The following GRIN2A variants were observed in gnomAD, a reference collection of about 807,000 sequenced individuals.
The protein encoded by GRIN2A is glutamate receptor ionotropic, NMDA 2A.
A neutral mutation model predicts 113.4 loss-of-function variants in GRIN2A; 22 were observed. That is an observed-to-expected ratio of 0.19 (90% CI 0.14 to 0.28). The LOEUF (loss-of-function observed/expected upper bound fraction) is 0.28, where lower values mean the gene tolerates loss of function less well. Among genes scored for constraint, GRIN2A ranks in the 10% least tolerant of loss-of-function variants. GRIN2A has a pLI of 1.00. For synonymous variants in GRIN2A, 827 were observed against 738.4 expected, an observed-to-expected ratio of 1.12 and a Z score of -1.94; for missense variants, 1,502 against 1,887.0, an observed-to-expected ratio of 0.80 and a Z score of 3.78.
intron 2 of GRIN2A, among the ~76,000 whole-genome samples, chr16:10,147,683 A>T (rs968192845): frequency 2.0e-5 from 3 of 151,776 alleles, no homozygotes; most frequent in Non-Finnish European, 2.9e-5. Flanking sequence ...TACAGGGTCC[A>T]ACCATAGCAA....
chr16:9,834,350 A>T, intron 7 of GRIN2A, 120 bp from the exon 8 acceptor site: 1 of 883,890 alleles, frequency 1.1e-6, no homozygotes, highest in Non-Finnish European at 1.9e-6. Flanking sequence ...TTTGAATCTG[A>T]TCCTTCAAAA....
At chr16:10,148,012 C>T (rs1346303332) in intron 2 of GRIN2A, among the ~76,000 whole-genome samples, 1 of 152,176 alleles carries the variant, frequency 6.6e-6, no homozygotes, top group Non-Finnish European at 1.5e-5. Flanking sequence ...AATTCCTTTC[C>T]TGGACTTGCC....
At chr16:9,796,570 C>T (rs1226725608) in intron 11 of GRIN2A, among the ~76,000 whole-genome samples, 1 of 152,230 alleles carries the variant, frequency 6.6e-6, no homozygotes, top group Non-Finnish European at 1.5e-5. Flanking sequence ...TGTTAGCAGA[C>T]GTGAACGTGA....
chr16:9,828,913 C>T (rs377300143), intron 9 of GRIN2A, among the ~76,000 whole-genome samples: 7 of 152,130 alleles, frequency 4.6e-5, no homozygotes, highest in African/African-American at 9.6e-5. Flanking sequence ...GAGTCAGAAG[C>T]GCTGATGCTG....
At chr16:9,821,550 C>A (rs1468702400) in intron 10 of GRIN2A, among the ~76,000 whole-genome samples, 1 of 152,192 alleles carries the variant, frequency 6.6e-6, no homozygotes, top group Non-Finnish European at 1.5e-5. Flanking sequence ...AATAACAACA[C>A]TCACATTTAG....
chr16:9,792,641 A>C (rs1000227887), intron 11 of GRIN2A, among the ~76,000 whole-genome samples: 4 of 151,896 alleles, frequency 2.6e-5, no homozygotes, highest in African/African-American at 4.9e-5. Flanking sequence ...CATAATTTTT[A>C]ACATACATGA....
intron 2 of GRIN2A, among the ~76,000 whole-genome samples, chr16:10,060,428 C>A (rs1011355042): frequency 1.3e-4 from 20 of 152,308 alleles, no homozygotes; most frequent in African/African-American, 4.6e-4. Flanking sequence ...GATTCAGAAA[C>A]CTACTTAGGG....
intron 2 of GRIN2A, among the ~76,000 whole-genome samples, chr16:9,990,620 G>A (rs1208527392): frequency 6.7e-6 from 1 of 148,176 alleles, no homozygotes; most frequent in Non-Finnish European, 1.5e-5. Context: ...AATGAATGCT[G>A]CCTCTAGATA....
At chr16:9,823,157 G>C (rs182734085) in intron 9 of GRIN2A, among the ~76,000 whole-genome samples, 223 of 152,302 alleles carry the variant, frequency 1.5e-3, no homozygotes, top group Non-Finnish European at 2.2e-3. Context: ...TTCTCTGATG[G>C]ATTGGATGAT....
At chr16:10,038,827 G>A (rs2047085368) in intron 2 of GRIN2A, among the ~76,000 whole-genome samples, 1 of 149,004 alleles carries the variant, frequency 6.7e-6, no homozygotes, top group East Asian at 2.0e-4. Flanking sequence ...CAGCCTGGGC[G>A]ACAGAATGAG....
rs750056058 is a variant in GRIN2A, at chr16:9,798,511, C to T, written c.2169-47G>A. On this transcript the variant is annotated intron_variant, in intron 10 of 12. Coordinates refer to ENST00000330684, the MANE Select transcript of GRIN2A (RefSeq NM_001134407.3). ...GGGTCATAGGGGTGGCCAGGTACCA[C>T]CTCGGGGTCCAGCTCCTGAGGCCTG... 8.1e-6 allele frequency: 12 copies of T among 1,489,524 alleles called. No homozygotes were observed. In the South Asian group the frequency reaches 1.1e-4, roughly 14 times the overall value. The allele number at this position is 1,489,524 out of a possible 1,614,324, so 92.3% of individuals were successfully genotyped here. A position where few individuals can be genotyped will look rare whatever the true frequency, so the allele number is the denominator to read the frequency against.
intron 11 of GRIN2A, among the ~76,000 whole-genome samples, chr16:9,770,703 CTTTAG>C (rs1901216767): frequency 6.6e-6 from 1 of 152,134 alleles, no homozygotes; most frequent in Non-Finnish European, 1.5e-5. Context: ...ATACTTAGAA[CTTTAG>C]TTCTGGCAAA....
intron 2 of GRIN2A, among the ~76,000 whole-genome samples, chr16:9,975,744 A>C (rs1040532197): frequency 1.4e-4 from 22 of 152,250 alleles, no homozygotes; most frequent in Non-Finnish European, 2.4e-4. Flanking sequence ...TCAAACAAAA[A>C]CAAGACCAAC....
intron 2 of GRIN2A, among the ~76,000 whole-genome samples, chr16:10,089,905 C>T (rs1448241): frequency 0.34 from 51,050 of 151,862 alleles, 10,415 homozygotes; most frequent in East Asian, 0.79. Context: ...GAGGGGGAGG[C>T]TCAAGTAGTA....
intron 2 of GRIN2A, among the ~76,000 whole-genome samples, chr16:10,096,961 G>C (rs374729867): frequency 1.2e-4 from 18 of 152,268 alleles, no homozygotes; most frequent in African/African-American, 4.1e-4. Context: ...GCTATAGCAC[G>C]GGTGTTAGCT....
chr16:9,820,443 C>T (rs538716657), intron 10 of GRIN2A, among the ~76,000 whole-genome samples: 15 of 152,270 alleles, frequency 9.9e-5, no homozygotes, highest in Non-Finnish European at 1.5e-4. Context: ...TTGCAGTCTT[C>T]GGTGTATACC....
intron 3 of GRIN2A, among the ~76,000 whole-genome samples, chr16:9,917,874 A>C (rs1297253621): frequency 1.3e-5 from 2 of 152,184 alleles, no homozygotes; most frequent in African/African-American, 4.8e-5. Context: ...GTCGTTGTAC[A>C]TTTTTAAAAA....
intron 2 of GRIN2A, among the ~76,000 whole-genome samples, chr16:10,166,747 C>G (rs1252439625): frequency 6.6e-6 from 1 of 152,194 alleles, no homozygotes; most frequent in Non-Finnish European, 1.5e-5. Flanking sequence ...CTGCATGCGT[C>G]TACCTATACG....
At chr16:9,888,641 A>T (rs1366587129) in intron 4 of GRIN2A, among the ~76,000 whole-genome samples, 1 of 151,978 alleles carries the variant, frequency 6.6e-6, no homozygotes, top group African/African-American at 2.4e-5. Context: ...TTTAATATAT[A>T]TATTTTATGC....
Sources: gnomAD v4.1 joint callset for allele counts (sites outside exome capture counted in the v4.1 genomes callset) on GRCh38, gnomAD v4.1.1 for gene constraint, MANE v1.5 for transcripts, NCBI Gene and HGNC (gene_info 2026-07-23, HGNC 2026-07-21) for gene names.